ADCY10: variants seen among roughly 807,000 people sequenced by gnomAD.
ADCY10 encodes the protein adenylate cyclase type 10.
A neutral mutation model predicts 183.3 loss-of-function variants in ADCY10; 156 were observed. The observed-to-expected ratio is 0.85, with a 90% CI of 0.75 to 0.97. The LOEUF (loss-of-function observed/expected upper bound fraction) is 0.97, where lower values mean the gene tolerates loss of function less well. ADCY10 is among the 50% of genes least tolerant of loss of function. The pLI is 0.00. For missense variants in ADCY10, 1,745 were observed against 1,934.3 expected, an observed-to-expected ratio of 0.90 and a Z score of 1.84; for synonymous variants, 645 against 670.0, an observed-to-expected ratio of 0.96 and a Z score of 0.58.
intron 21 of ADCY10, among the ~76,000 whole-genome samples, chr1:167,841,643 A>G (rs1664653493): frequency 6.6e-6 from 1 of 151,588 alleles, no homozygotes. Flanking sequence ...TACAGGCACA[A>G]GCCATCGCAC....
intron 14 of ADCY10, among the ~76,000 whole-genome samples, chr1:167,868,997 T>G (rs1279874532): frequency 2.0e-5 from 3 of 152,190 alleles, no homozygotes; most frequent in Non-Finnish European, 4.4e-5. Flanking sequence ...TTCTAGCAGC[T>G]GAAAGAGAGG....
At chr1:167,910,925 A>C (rs1310830795) in intron 1 of ADCY10, among the ~76,000 whole-genome samples, 1 of 152,248 alleles carries the variant, frequency 6.6e-6, no homozygotes, top group African/African-American at 2.4e-5. Flanking sequence ...ACAATTTTTT[A>C]GTATAAATAT....
In ADCY10 at chr1:167,856,452, C is replaced by T; in HGVS notation, c.1897-13G>A. On this transcript the variant is annotated splice_polypyrimidine_tract_variant and intron_variant, in intron 16 of 32. Transcript: ENST00000367851. ...CCTCTTTCACTATCTGGACAAGATG[C>T]AGAAAGAGAAAGAGAAACACCATAG... 1 of 1,613,848 alleles carries T rather than the reference C, an allele frequency of 6.2e-7. No homozygotes were observed. Among genetic ancestry groups the T allele is most frequent in the Non-Finnish European group, 8.5e-7 (1 of 1,179,956 alleles).
chr1:167,880,824 CCAG>C, intron 9 of ADCY10, among the ~76,000 whole-genome samples: 1 of 152,184 alleles, frequency 6.6e-6, no homozygotes, highest in Non-Finnish European at 1.5e-5. Flanking sequence ...TTGTTTTGCT[CCAG>C]ATATAGTGAA....
intron 18 of ADCY10, among the ~76,000 whole-genome samples, chr1:167,853,571 T>A (rs532033196): frequency 6.6e-6 from 1 of 152,264 alleles, no homozygotes; most frequent in South Asian, 2.1e-4. Flanking sequence ...GCTTTCCAAC[T>A]TGTAATCTCT....
At chr1:167,827,170 T>TC (rs1177066061) in intron 26 of ADCY10, among the ~76,000 whole-genome samples, 1 of 142,568 alleles carries the variant, frequency 7.0e-6, no homozygotes, top group Non-Finnish European at 1.5e-5. Context: ...CTTAATGTAC[T>TC]TTTTTTTTTT....
intron 14 of ADCY10, among the ~76,000 whole-genome samples, chr1:167,863,643 C>T (rs905957790): frequency 1.3e-5 from 2 of 152,204 alleles, no homozygotes; most frequent in South Asian, 2.1e-4. Context: ...GCGGCTTTAG[C>T]CTGCCCTGTG....
At chr1:167,878,271 T>A (rs1667616695) in intron 12 of ADCY10, among the ~76,000 whole-genome samples, 175 bp downstream of exon 12, 1 of 152,178 alleles carries the variant, frequency 6.6e-6, no homozygotes, top group Admixed American at 6.5e-5. Context: ...CATGCCATAG[T>A]GTCAGTCAGA....
At chr1:167,865,384 G>A (rs1666608014) in intron 14 of ADCY10, among the ~76,000 whole-genome samples, 2 of 152,134 alleles carry the variant, frequency 1.3e-5, no homozygotes, top group Admixed American at 1.3e-4. Context: ...AATGCAACAG[G>A]TTTTTCTTGA....
intron 17 of ADCY10, among the ~76,000 whole-genome samples, chr1:167,855,405 C>T (rs757091929): frequency 2.1e-4 from 32 of 152,188 alleles, no homozygotes; most frequent in South Asian, 2.1e-4. Context: ...TCAGAGAGCA[C>T]TCACCAGTGA....
chr1:167,901,007 T>G (rs1669379809), intron 5 of ADCY10, among the ~76,000 whole-genome samples: 2 of 152,192 alleles, frequency 1.3e-5, no homozygotes, highest in African/African-American at 2.4e-5. Flanking sequence ...ACTCTGTTAC[T>G]CATTACTTAT....
At position 167,821,827 on chromosome 1, in the gene ADCY10, A is replaced by C. The variant is rs560776690; in HGVS notation, c.4286+197T>G. ...TTATTGCATGGATGTAATTGAGATAAATTTACTTTTCTGTCCTTGGCCAAG... is the reference window on the plus strand; with the variant it reads ...TTATTGCATGGATGTAATTGAGATACATTTACTTTTCTGTCCTTGGCCAAG... On this transcript the variant is annotated intron_variant, in intron 30 of 32. Transcript: ENST00000367851. 2.6e-5 allele frequency among the ~76,000 whole-genome samples: 4 copies of C among 152,282 alleles called. No homozygotes were observed. The South Asian group carries it at 6.2e-4, about 24-fold the overall frequency.
In ADCY10 at chr1:167,874,733, G is replaced by A. The variant is rs949530308; in HGVS notation, c.1462+398C>T. On this transcript the variant is annotated intron_variant, in intron 13 of 32. Transcript: ENST00000367851. Reference sequence around the variant, plus strand: ...ATAACCCAAATGTTGCACAGCAACAGAATGGGTAAATTGTTGTATATTTAT... The same window carrying A: ...ATAACCCAAATGTTGCACAGCAACAAAATGGGTAAATTGTTGTATATTTAT... 2.6e-5 allele frequency among the ~76,000 whole-genome samples: 4 copies of A among 152,194 alleles called. No individual in the cohort carries two copies. In the East Asian group the frequency reaches 5.8e-4, roughly 22 times the overall value.
rs576062888 is a variant in ADCY10, at chr1:167,869,702, G to A, written c.1616+555C>T. ...CACCAGTGCTCACAGCCCCTGTCAC[G>A]TACCCCCTGGCTTACTCAATCGATC... On this transcript the variant is annotated intron_variant, in intron 14 of 32. Transcript: ENST00000367851. Among the ~76,000 whole-genome samples, 29 of 152,252 alleles carry A rather than the reference G, an allele frequency of 1.9e-4. 1 individual carries two copies. In the South Asian group the frequency reaches 4.6e-3, roughly 24 times the overall value.
chr1:167,887,615 A>G (rs1668316121), intron 8 of ADCY10, among the ~76,000 whole-genome samples: 2 of 152,182 alleles, frequency 1.3e-5, no homozygotes, highest in Admixed American at 1.3e-4. Context: ...TAATGGGTGC[A>G]GCATACCAAC....
At chr1:167,904,052 A>G (rs1669641189) in intron 2 of ADCY10, 61 bp from the exon 3 acceptor site, 1 of 979,452 alleles carries the variant, frequency 1.0e-6, no homozygotes, top group South Asian at 1.3e-5. Flanking sequence ...GAGCCAGAAG[A>G]GGACTACCCT....
At chr1:167,832,806 T>C (rs1302125211) in intron 25 of ADCY10, among the ~76,000 whole-genome samples, 181 bp downstream of exon 25, 1 of 152,164 alleles carries the variant, frequency 6.6e-6, no homozygotes, top group Non-Finnish European at 1.5e-5. Context: ...GTAAAGTACT[T>C]TGTGGCAACC....
rs760399616 is a variant in ADCY10, at chr1:167,836,452, C to G, written c.3166G>C (p.Glu1056Gln). 2 of 1,614,092 alleles carry G rather than the reference C, an allele frequency of 1.2e-6. No individual in the cohort carries two copies. The highest frequency in any genetic ancestry group is 4.5e-5 in the East Asian group (2 of 44,884). Residue 1056 changes from glutamate to glutamine, a missense_variant, in exon 23 of 33, where the codon GAA becomes CAA. Coordinates refer to ENST00000367851, the MANE Select transcript of ADCY10 (RefSeq NM_018417.6). Reference protein sequence around the residue: ...KTSDEDIIPLESCQCEEILEI... With the variant: ...KTSDEDIIPLQSCQCEEILEI... ...AGGATTTCTTCACACTGGCAAGATTCCAGAGGGATAATGTCTTCGTCAGAT... is the reference window on the plus strand; with the variant it reads ...AGGATTTCTTCACACTGGCAAGATTGCAGAGGGATAATGTCTTCGTCAGAT...
intron 31 of ADCY10, among the ~76,000 whole-genome samples, chr1:167,814,852 A>T (rs1662428085): frequency 6.6e-6 from 1 of 152,134 alleles, no homozygotes; most frequent in African/African-American, 2.4e-5. Flanking sequence ...ATTAGGCCAC[A>T]CGTGGGCTCA....
Sources: gnomAD v4.1 joint callset for allele counts (sites outside exome capture counted in the v4.1 genomes callset) on GRCh38, gnomAD v4.1.1 for gene constraint, MANE v1.5 for transcripts, NCBI Gene and HGNC (gene_info 2026-07-23, HGNC 2026-07-21) for gene names.